The following KLF7 variants were observed in gnomAD, a reference collection of about 807,000 sequenced individuals.
The protein encoded by KLF7 is KLF transcription factor 7, also known as Krueppel-like factor 7.
In KLF7, 2 loss-of-function variants were observed where a neutral mutation model predicts 27.3. The ratio of observed to expected loss-of-function variants is 0.07; its 90% CI spans 0.03 to 0.23. The LOEUF (loss-of-function observed/expected upper bound fraction) is 0.23. KLF7 is among the 10% of genes least tolerant of loss of function. The pLI, the probability that KLF7 is intolerant of heterozygous loss-of-function variation, is 1.00. For missense variants in KLF7, 221 were observed against 394.1 expected, an observed-to-expected ratio of 0.56 and a Z score of 3.72; for synonymous variants, 165 against 162.4, an observed-to-expected ratio of 1.02 and a Z score of -0.12.
chr2:207,133,306 A>C (rs540558292), intron 1 of KLF7, among the ~76,000 whole-genome samples: 1 of 152,340 alleles, frequency 6.6e-6, no homozygotes, highest in East Asian at 1.9e-4. Flanking sequence ...AAGAGTCAAT[A>C]AAAATAATCC....
chr2:207,093,212 A>G (rs1354576876), intron 2 of KLF7, among the ~76,000 whole-genome samples: 2 of 152,232 alleles, frequency 1.3e-5, no homozygotes, highest in East Asian at 3.8e-4. Flanking sequence ...CCAGACTGCC[A>G]AAGACATTCA....
chr2:207,171,155 G>A (rs1574617276), upstream of KLF7, among the ~76,000 whole-genome samples: 1 of 151,466 alleles, frequency 6.6e-6, no homozygotes, highest in Non-Finnish European at 1.5e-5. Flanking sequence ...GGGTGACTTT[G>A]AGGGGTTCAA....
intron 2 of KLF7, among the ~76,000 whole-genome samples, chr2:207,098,441 C>T (rs1574444692): frequency 6.6e-6 from 1 of 152,132 alleles, no homozygotes; most frequent in Admixed American, 6.5e-5. Context: ...GCAATGTTAT[C>T]ACTCTGTAAG....
chr2:207,156,033 C>T (rs1432880450), intron 1 of KLF7, among the ~76,000 whole-genome samples: 6 of 152,220 alleles, frequency 3.9e-5, no homozygotes, highest in South Asian at 2.1e-4. Context: ...AATTGCTCCA[C>T]GGCTAATTGC....
At chr2:207,099,387 G>A (rs2105902643) in intron 2 of KLF7, among the ~76,000 whole-genome samples, 1 of 151,662 alleles carries the variant, frequency 6.6e-6, no homozygotes, top group East Asian at 1.9e-4. Flanking sequence ...ATCAGATCAG[G>A]GACCCATGGT....
At chr2:207,111,355 A>G (rs911329385) in intron 2 of KLF7, among the ~76,000 whole-genome samples, 3 of 152,216 alleles carry the variant, frequency 2.0e-5, no homozygotes, top group Admixed American at 6.5e-5. Context: ...CACAGGCCAC[A>G]TAAGGTTTTG....
At chr2:207,165,392 C>A in intron 1 of KLF7, 75 bp downstream of exon 1, 2 of 1,601,454 alleles carry the variant, frequency 1.2e-6, no homozygotes, top group Non-Finnish European at 1.7e-6. Context: ...AATTTCAACC[C>A]AGAGCCCACA....
chr2:207,106,796 T>G (rs1477276405), intron 2 of KLF7, among the ~76,000 whole-genome samples: 1 of 152,034 alleles, frequency 6.6e-6, no homozygotes, highest in African/African-American at 2.4e-5. Flanking sequence ...GACCCGGAAA[T>G]AGGCTGAAAG....
chr2:207,146,225 A>T (rs2078092435), intron 1 of KLF7, among the ~76,000 whole-genome samples: 1 of 152,110 alleles, frequency 6.6e-6, no homozygotes, highest in Non-Finnish European at 1.5e-5. Flanking sequence ...CATACATATC[A>T]CCCTTCCTTC....
upstream of KLF7, among the ~76,000 whole-genome samples, chr2:207,170,364 G>A (rs1277773215): frequency 5.3e-5 from 8 of 152,176 alleles, no homozygotes; most frequent in African/African-American, 1.9e-4. Flanking sequence ...CGATTTATGA[G>A]GTTTAAGGGA....
Position 207,124,352 on chromosome 2 carries a change from T to G in KLF7, c.155A>C (p.Glu52Ala). ...YLQTEPRRIS[E>A]TFGEDLDCFL... ...ACAGTCCAAGTCCTCACCAAAGGTCTCTGAGATCCTCCGGGGCTCCGTCTG... is the reference window on the plus strand; with the variant it reads ...ACAGTCCAAGTCCTCACCAAAGGTCGCTGAGATCCTCCGGGGCTCCGTCTG... The change falls in exon 2 of 4, where the codon GAG becomes GCG. Residue 52 changes from glutamate to alanine, a missense_variant. This residue lies in a region of KLF7 where 180 missense variants were observed against 227.9 expected (regional missense o/e 0.79). Transcript: ENST00000309446. 1 of 1,596,334 alleles carries G rather than the reference T, an allele frequency of 6.3e-7. No individual in the cohort carries two copies. The highest frequency in any genetic ancestry group is 8.6e-7 in the Non-Finnish European group (1 of 1,166,882).
upstream of KLF7, among the ~76,000 whole-genome samples, chr2:207,169,716 C>G (rs1321253863): frequency 1.3e-5 from 2 of 152,072 alleles, no homozygotes; most frequent in African/African-American, 4.8e-5. Flanking sequence ...TTTGGTAATC[C>G]TCACAATAGT....
intron 3 of KLF7, among the ~76,000 whole-genome samples, chr2:207,086,052 AAAAGCAT>A (rs2076381384): frequency 2.8e-5 from 3 of 106,634 alleles, no homozygotes; most frequent in African/African-American, 1.5e-4. Context: ...TAGGCAAAAT[AAAAGCAT>A]ACGTTAGACT....
rs2076143512 is a variant in KLF7, at chr2:207,074,318, C to T, written c.*6895G>A. The T allele has an allele frequency of 6.6e-6, 1 of 152,120 alleles. No homozygotes were observed. Among genetic ancestry groups the T allele is most frequent in the African/African-American group, 2.4e-5 (1 of 41,410 alleles). 9.4% of individuals were successfully genotyped at this position (152,120 alleles called of 1,614,324 possible). A position where few individuals can be genotyped will look rare whatever the true frequency, so the allele number is the denominator to read the frequency against. On this transcript the variant is annotated 3_prime_UTR_variant, in exon 4 of 4. Transcript: ENST00000309446. Reference sequence around the variant, plus strand: ...TTCCTGTGAATGACACCACTTCTCTCGGGGAATCGCTGAGCTCGGGATGCT... The same window carrying T: ...TTCCTGTGAATGACACCACTTCTCTTGGGGAATCGCTGAGCTCGGGATGCT...
At chr2:207,107,908 G>A (rs1264991979) in intron 2 of KLF7, among the ~76,000 whole-genome samples, 3 of 152,246 alleles carry the variant, frequency 2.0e-5, no homozygotes, top group African/African-American at 7.2e-5. Context: ...TTTGCACAAC[G>A]TGATTGTGTT....
At chr2:207,105,504 G>A (rs1016673546) in intron 2 of KLF7, among the ~76,000 whole-genome samples, 2 of 152,202 alleles carry the variant, frequency 1.3e-5, no homozygotes, top group Non-Finnish European at 2.9e-5. Context: ...TGACTCCAAA[G>A]CCTGTTCTCC....
At chr2:207,146,595 G>A in intron 1 of KLF7, among the ~76,000 whole-genome samples, 1 of 151,942 alleles carries the variant, frequency 6.6e-6, no homozygotes, top group East Asian at 1.9e-4. Flanking sequence ...TGTTTCCCTT[G>A]GGGATCTCCA....
chr2:207,090,237 G>GA lies in KLF7; in HGVS notation c.734-1657dup, dbSNP rs148073154. 3.8e-3 allele frequency among the ~76,000 whole-genome samples: 572 copies of GA among 152,018 alleles called. 2 individuals carry two copies. Among genetic ancestry groups the GA allele is most frequent in the African/African-American group, 0.013 (540 of 41,504 alleles). On this transcript the variant is annotated intron_variant, in intron 2 of 3. Transcript: ENST00000309446. ...AAACCCATTCAGTTTTGGAAACCAG[G>GA]AAAAAAAGAGGATGAATCACTGAGC... is the stretch of plus-strand genomic sequence containing the variant.
At chr2:207,157,219 TAA>T (rs5838052) in intron 1 of KLF7, among the ~76,000 whole-genome samples, 8,126 of 87,588 alleles carry the variant, frequency 0.093, 747 homozygotes, top group African/African-American at 0.29. Flanking sequence ...AACAGAAAAG[TAA>T]AAAAAAAAAA....
Sources: gnomAD v4.1 joint callset for allele counts (sites outside exome capture counted in the v4.1 genomes callset) on GRCh38, gnomAD v4.1.1 for gene constraint, gnomAD v4.1.1 regional missense constraint, MANE v1.5 for transcripts, NCBI Gene and HGNC (gene_info 2026-07-23, HGNC 2026-07-21) for gene names.